GRK5: variants seen among roughly 807,000 people sequenced by gnomAD.
GRK5 encodes G protein-coupled receptor kinase 5.
GRK5 carries 40 observed loss-of-function variants against 78.4 expected under a neutral mutation model. The observed-to-expected ratio is 0.51, with a 90% confidence interval of 0.40 to 0.66. The LOEUF (loss-of-function observed/expected upper bound fraction) is 0.66, where lower values mean the gene tolerates loss of function less well. GRK5 is among the 30% of genes least tolerant of loss of function. GRK5 has a pLI of 0.00. For missense variants in GRK5, 598 were observed against 759.9 expected (o/e 0.79, Z 2.50); for synonymous variants, 289 against 296.8 (o/e 0.97, Z 0.27).
At chr10:119,403,441 A>G (rs1260353147) in intron 4 of GRK5, among the ~76,000 whole-genome samples, 1 of 152,218 alleles carries the variant, frequency 6.6e-6, no homozygotes, top group African/African-American at 2.4e-5. Context: ...CTAGGATTAC[A>G]GACGTGAGCC....
intron 2 of GRK5, among the ~76,000 whole-genome samples, chr10:119,369,133 GC>G (rs1851502221): frequency 6.6e-6 from 1 of 152,208 alleles, no homozygotes; most frequent in Admixed American, 6.5e-5. Flanking sequence ...CACCTAGGGA[GC>G]TTTTTAAGAA....
At chr10:119,297,168 G>A (rs144774079) in intron 1 of GRK5, among the ~76,000 whole-genome samples, 2 of 152,238 alleles carry the variant, frequency 1.3e-5, no homozygotes, top group Admixed American at 6.5e-5. Context: ...CTGCCATGGG[G>A]TTGGTTTGGA....
At chr10:119,339,962 A>G (rs1261497979) in intron 2 of GRK5, among the ~76,000 whole-genome samples, 2 of 152,202 alleles carry the variant, frequency 1.3e-5, no homozygotes, top group African/African-American at 4.8e-5. Flanking sequence ...AGCTAGGGGC[A>G]TGAGCTACTG....
intron 1 of GRK5, among the ~76,000 whole-genome samples, chr10:119,256,777 AAT>A (rs1196157632): frequency 6.6e-6 from 1 of 152,156 alleles, no homozygotes; most frequent in African/African-American, 2.4e-5. Flanking sequence ...GTGTAAATTT[AAT>A]AGTCTTTGTA....
At chr10:119,294,921 T>G (rs1589727659) in intron 1 of GRK5, among the ~76,000 whole-genome samples, 1 of 152,158 alleles carries the variant, frequency 6.6e-6, no homozygotes, top group African/African-American at 2.4e-5. Context: ...CTGGGTGCAG[T>G]GGCTCAGGCC....
Position 119,218,074 on chromosome 10 carries a change from T to TTGTGTGTGTG in GRK5, c.52+10125_52+10134dup, listed in dbSNP as rs59742803. Among the ~76,000 whole-genome samples the TTGTGTGTGTG allele has an allele frequency of 4.3e-3, 630 of 146,582 alleles. 6 individuals are homozygous for TTGTGTGTGTG. Among genetic ancestry groups the TTGTGTGTGTG allele is most frequent in the South Asian group, 0.029 (133 of 4,596 alleles). The stretch of plus-strand genomic sequence containing the variant: ...GCATTTAGAAACCATGTCAACCCGT[T>TTGTGTGTGTG]TGTGTGTGTGTGTGTGTGTGTGTGT... On this transcript the variant is annotated intron_variant, in intron 1 of 15. Coordinates refer to ENST00000392870, the MANE Select transcript of GRK5 (RefSeq NM_005308.3).
At chr10:119,215,533 G>C (rs1466917446) in intron 1 of GRK5, among the ~76,000 whole-genome samples, 1 of 151,020 alleles carries the variant, frequency 6.6e-6, no homozygotes, top group Non-Finnish European at 1.5e-5. Context: ...CTGAGGAAGG[G>C]GAGGGGGCTG....
intron 2 of GRK5, among the ~76,000 whole-genome samples, chr10:119,331,092 A>T (rs1324910579): frequency 2.6e-5 from 4 of 151,772 alleles, no homozygotes; most frequent in Non-Finnish European, 5.9e-5. Flanking sequence ...GGAGCACAGG[A>T]TTTGGCTCTG....
chr10:119,246,144 G>A (rs1849108443), intron 1 of GRK5, among the ~76,000 whole-genome samples: 1 of 151,502 alleles, frequency 6.6e-6, no homozygotes, highest in Admixed American at 6.6e-5. Context: ...TTTGGTCATT[G>A]GTTCCAGGTC....
At chr10:119,231,724 G>GA (rs941642401) in intron 1 of GRK5, among the ~76,000 whole-genome samples, 12 of 142,416 alleles carry the variant, frequency 8.4e-5, no homozygotes, top group Non-Finnish European at 1.5e-4. Context: ...AAAAAAAAAA[G>GA]AAAAAAAACT....
intron 2 of GRK5, chr10:119,333,713 T>A (rs904188381): frequency 2.2e-4 from 114 of 523,190 alleles, no homozygotes; most frequent in Non-Finnish European, 3.5e-4. Context: ...TGCAGCGAGT[T>A]CCTCTGCTTA....
chr10:119,383,528 T>A (rs1011189634), intron 3 of GRK5, among the ~76,000 whole-genome samples: 2 of 152,260 alleles, frequency 1.3e-5, no homozygotes, highest in African/African-American at 4.8e-5. Flanking sequence ...GTAAAGTTCA[T>A]AGAGGAAATG....
intron 2 of GRK5, 129 bp downstream of exon 2, chr10:119,326,740 C>T: frequency 1.4e-6 from 1 of 708,188 alleles, no homozygotes. Flanking sequence ...AATCAGTGGA[C>T]ACAGTATTGT....
rs1174971202 is a variant in GRK5, at chr10:119,394,454, A to G, written c.262-2241A>G. The stretch of plus-strand genomic sequence containing the variant: ...CGTGTATGGGTGTGTGTATCTGCTT[A>G]GTGGGCACGTGTGTGGATGTGTGTG... On this transcript the variant is annotated intron_variant, in intron 3 of 15. Coordinates refer to ENST00000392870, the MANE Select transcript of GRK5 (RefSeq NM_005308.3). Among the ~76,000 whole-genome samples, 5 of 928 alleles carry G rather than the reference A, an allele frequency of 5.4e-3. 1 individual carries two copies. Among genetic ancestry groups the G allele is most frequent in the Non-Finnish European group, 0.012 (5 of 428 alleles). 0.6% of individuals were successfully genotyped at this position (928 alleles called of 152,430 possible).
At chr10:119,235,951 C>T (rs561266537) in intron 1 of GRK5, among the ~76,000 whole-genome samples, 2 of 152,150 alleles carry the variant, frequency 1.3e-5, no homozygotes, top group Non-Finnish European at 2.9e-5. Flanking sequence ...TTCAGGGGCC[C>T]GAACCCCTGG....
At chr10:119,441,242 C>G (rs1405677578) in intron 10 of GRK5, among the ~76,000 whole-genome samples, 1 of 152,220 alleles carries the variant, frequency 6.6e-6, no homozygotes, top group Non-Finnish European at 1.5e-5. Flanking sequence ...GGAGTCCACA[C>G]GGCTCCAGCC....
chr10:119,442,115 G>A lies in GRK5; in HGVS notation c.1057+27G>A, dbSNP rs12721546. The A allele has an allele frequency of 7.9e-3, 12,584 of 1,585,764 alleles. 84 individuals are homozygous for A. The highest frequency in any genetic ancestry group is 9.9e-3 in the Non-Finnish European group (11,472 of 1,154,602). On this transcript the variant is annotated intron_variant, in intron 11 of 15. Transcript: ENST00000392870. ...TGAGTGCTGGGCTGCCTGTGTCAAT[G>A]CACCTTGAGACCCACCACCTGCTCA...
intron 12 of GRK5, among the ~76,000 whole-genome samples, chr10:119,444,312 C>A (rs910039174): frequency 6.6e-6 from 1 of 152,094 alleles, no homozygotes; most frequent in Non-Finnish European, 1.5e-5. Flanking sequence ...GTCAGACCCA[C>A]CCAAAAGCTG....
intron 1 of GRK5, among the ~76,000 whole-genome samples, chr10:119,263,156 C>T (rs537271319): frequency 4.6e-5 from 7 of 151,986 alleles, no homozygotes; most frequent in African/African-American, 1.5e-4. Context: ...TACAGGCGCG[C>T]ACACCACACC....
Sources: gnomAD v4.1 joint callset for allele counts (sites outside exome capture counted in the v4.1 genomes callset) on GRCh38, gnomAD v4.1.1 for gene constraint, MANE v1.5 for transcripts, NCBI Gene and HGNC (gene_info 2026-07-23, HGNC 2026-07-21) for gene names.